The following NIBAN2 variants were observed in gnomAD, a reference collection of about 807,000 sequenced individuals.
NIBAN2 encodes the protein niban apoptosis regulator 2.
A neutral mutation model predicts 81.8 loss-of-function variants in NIBAN2; 36 were observed. The ratio of observed to expected loss-of-function variants is 0.44; its 90% CI spans 0.34 to 0.58. The LOEUF (loss-of-function observed/expected upper bound fraction) is 0.58, where lower values mean the gene tolerates loss of function less well. Among genes scored for constraint, NIBAN2 ranks in the 20% least tolerant of loss-of-function variants. The pLI is 0.02. For missense variants in NIBAN2, 897 were observed against 1,014.1 expected (o/e 0.88, Z 1.57); for synonymous variants, 445 against 441.6 (o/e 1.01, Z -0.10).
rs923767187 is a variant in NIBAN2, at chr9:127,563,237, A to G, written c.55+5583T>C. ...GGAACAGAGTCAGGGGGACTAGAGG[A>G]GGCTGGATGGAGGGGAAGGCAGGGT... On this transcript the variant is annotated intron_variant, in intron 1 of 13. Transcript: ENST00000373312. This position sits in a 1 kb window ranked among gnomAD's most constrained non-coding sequence, Gnocchi z 4.1. 4.6e-5 allele frequency among the ~76,000 whole-genome samples: 7 copies of G among 152,222 alleles called. No individual in the cohort carries two copies. Among genetic ancestry groups the G allele is most frequent in the African/African-American group, 1.7e-4 (7 of 41,470 alleles).
intron 1 of NIBAN2, among the ~76,000 whole-genome samples, chr9:127,546,891 G>T (rs1403307111): frequency 6.6e-6 from 1 of 151,810 alleles, no homozygotes; most frequent in Non-Finnish European, 1.5e-5. Context: ...GCCCAGGAAG[G>T]TGACTGACCA....
intron 1 of NIBAN2, among the ~76,000 whole-genome samples, chr9:127,552,690 T>TG (rs1554768661): frequency 8.1e-5 from 11 of 135,300 alleles, no homozygotes; most frequent in South Asian, 2.5e-4. Context: ...ATTCGTTTTT[T>TG]TTTTTTTTTT....
rs1836578704 is a variant in NIBAN2 at position 127,505,657 on chromosome 9, A to T, written c.*1188T>A. The T allele has an allele frequency of 6.6e-6, 1 of 152,136 alleles. No homozygotes were observed. Among genetic ancestry groups the T allele is most frequent in the South Asian group, 2.1e-4 (1 of 4,820 alleles). 9.4% of individuals were successfully genotyped at this position (152,136 alleles called of 1,614,324 possible). A position where few individuals can be genotyped will look rare whatever the true frequency, so the allele number is the denominator to read the frequency against. ...TCCATTTCTGCCCTGCCCCCCGCAA[A>T]GCAGCAGGGGAGGGGGCCTGGGGGT... On this transcript the variant is annotated 3_prime_UTR_variant, in exon 14 of 14. Coordinates refer to ENST00000373312, the MANE Select transcript of NIBAN2 (RefSeq NM_022833.4).
chr9:127,517,214 G>A lies in NIBAN2; in HGVS notation c.708C>T (p.Ile236=). ...WEMLCGNEVQ[I]LSNLVMEELG... Reference sequence around the variant, plus strand: ...GCTCCTCCATCACCAGGTTGCTCAGGATCTAGGTTGAGGAGGCACAAGCCA... The same window carrying A: ...GCTCCTCCATCACCAGGTTGCTCAGAATCTAGGTTGAGGAGGCACAAGCCA... The change falls in exon 7 of 14, where the codon ATC becomes ATT. Residue 236 remains isoleucine (I), a splice_region_variant and synonymous_variant. Coordinates refer to ENST00000373312, the MANE Select transcript of NIBAN2 (RefSeq NM_022833.4). The surrounding 1 kb of genome is among the most constrained non-coding windows in gnomAD (Gnocchi z 4.0). The A allele has an allele frequency of 6.2e-7, 1 of 1,613,530 alleles. No homozygotes were observed. Among genetic ancestry groups the A allele is most frequent in the Non-Finnish European group, 8.5e-7 (1 of 1,179,834 alleles).
upstream of NIBAN2, chr9:127,569,144 C>T: frequency 1.1e-6 from 1 of 881,348 alleles, no homozygotes; most frequent in Non-Finnish European, 1.3e-6. Context: ...CCCCCGCAGG[C>T]CAACCCCGCC....
chr9:127,543,889 G>C (rs927645506), intron 1 of NIBAN2, among the ~76,000 whole-genome samples: 1 of 152,204 alleles, frequency 6.6e-6, no homozygotes. Context: ...TCTGTGCCAG[G>C]CACAGAGGCA....
In NIBAN2 at chr9:127,515,837, A is replaced by AAAT. The variant is rs917692263; in HGVS notation, c.973+1017_973+1019dup. On this transcript the variant is annotated intron_variant, in intron 8 of 13. Coordinates refer to ENST00000373312, the MANE Select transcript of NIBAN2 (RefSeq NM_022833.4). ...GGCAACAGATCAAGACTCCATCTCAAAATAATAATAATAATAATGGCTGGG... is the reference window on the plus strand; with the variant it reads ...GGCAACAGATCAAGACTCCATCTCAAAATAATAATAATAATAATAATGGCTGGG... Among the ~76,000 whole-genome samples, 10 of 151,982 alleles carry AAAT rather than the reference A, an allele frequency of 6.6e-5. No individual in the cohort carries two copies. In the South Asian group the frequency reaches 1.3e-3, roughly 19 times the overall value.
At chr9:127,578,538 T>C (rs1236876654) in intron 1 of NIBAN2, among the ~76,000 whole-genome samples, 1 of 151,568 alleles carries the variant, frequency 6.6e-6, no homozygotes, top group Non-Finnish European at 1.5e-5. Context: ...GGTGGGGCCC[T>C]GTCATCCCAG....
intron 1 of NIBAN2, among the ~76,000 whole-genome samples, chr9:127,556,622 G>A (rs1458011150): frequency 6.6e-6 from 1 of 152,172 alleles, no homozygotes; most frequent in Non-Finnish European, 1.5e-5. Context: ...GCATCATCAT[G>A]CCCATTTTAC....
rs567441829 is a variant in NIBAN2, at chr9:127,559,924, T to C, written c.55+8896A>G. Among the ~76,000 whole-genome samples, 2 of 152,238 alleles carry C rather than the reference T, an allele frequency of 1.3e-5. No individual in the cohort carries two copies. Among genetic ancestry groups the C allele is most frequent in the East Asian group, 3.9e-4 (2 of 5,162 alleles). On this transcript the variant is annotated intron_variant, in intron 1 of 13. Transcript: ENST00000373312. This position sits in a 1 kb window ranked among gnomAD's most constrained non-coding sequence, Gnocchi z 4.0. ...AGCACAAAGAGCTAAGGCCACATCA[T>C]CTCACCGACCCTGCACAACAGCCTC...
Position 127,536,157 on chromosome 9 carries a change from C to T in NIBAN2, c.56-4379G>A, listed in dbSNP as rs1837274662. Among the ~76,000 whole-genome samples the T allele has an allele frequency of 1.3e-5, 2 of 152,190 alleles. No individual in the cohort carries two copies. Among genetic ancestry groups the T allele is most frequent in the African/African-American group, 4.8e-5 (2 of 41,448 alleles). On this transcript the variant is annotated intron_variant, in intron 1 of 13. Transcript: ENST00000373312. This position sits in a 1 kb window ranked among gnomAD's most constrained non-coding sequence, Gnocchi z 4.0. ...TCCTCAGCCAGCATGGAAGGAACCG[C>T]CACGTGCTTTGTACAGAGGAAGTAA...
At chr9:127,538,123 C>G (rs1224542963) in intron 1 of NIBAN2, among the ~76,000 whole-genome samples, 1 of 152,160 alleles carries the variant, frequency 6.6e-6, no homozygotes, top group Non-Finnish European at 1.5e-5. Flanking sequence ...GAGAGCCAAC[C>G]CTTTCAGCAA....
At chr9:127,568,438 C>T (rs1837896123) in intron 1 of NIBAN2, among the ~76,000 whole-genome samples, 1 of 151,902 alleles carries the variant, frequency 6.6e-6, no homozygotes, top group Admixed American at 6.5e-5. Flanking sequence ...CTGGGAGATC[C>T]CAAAGCTGGT....
intron 2 of NIBAN2, among the ~76,000 whole-genome samples, chr9:127,530,407 G>A (rs183052295): frequency 6.6e-6 from 1 of 152,336 alleles, no homozygotes; most frequent in East Asian, 1.9e-4. Flanking sequence ...GCCTTGGCCA[G>A]GTGCGGCAGC....
In NIBAN2 at chr9:127,517,757, C is replaced by A. The variant is rs1361542593; in HGVS notation, c.705+69G>T. ...CCCAGAGCCCCATCTCTGTACCCCACCCCCTGCCCTCCCCTGCTGGGTCCT... is the reference window on the plus strand; with the variant it reads ...CCCAGAGCCCCATCTCTGTACCCCAACCCCTGCCCTCCCCTGCTGGGTCCT... On this transcript the variant is annotated intron_variant, in intron 6 of 13. Coordinates refer to ENST00000373312, the MANE Select transcript of NIBAN2 (RefSeq NM_022833.4). This position sits in a 1 kb window ranked among gnomAD's most constrained non-coding sequence, Gnocchi z 4.0. The A allele has an allele frequency of 2.5e-5, 29 of 1,174,184 alleles. No homozygotes were observed. The highest frequency in any genetic ancestry group is 6.5e-5 in the South Asian group (5 of 77,242). The allele number at this position is 1,174,184 out of a possible 1,614,324, so 72.7% of individuals were successfully genotyped here.
At position 127,523,750 on chromosome 9, in the gene NIBAN2, C is replaced by T. The variant is rs767118080; in HGVS notation, c.518G>A (p.Cys173Tyr). The T allele has an allele frequency of 4.3e-6, 7 of 1,613,922 alleles. No homozygotes were observed. Reference sequence around the variant, plus strand: ...GTCCTGCTCGGCTTCTGTCATCATGCAGAAGTAGTAGTGACGCGCATAAGG... The same window carrying T: ...GTCCTGCTCGGCTTCTGTCATCATGTAGAAGTAGTAGTGACGCGCATAAGG... ...WHPYARHYYF[C>Y]MMTEAEQDKW... Residue 173 changes from cysteine (C) to tyrosine (Y), a missense_variant, in exon 5 of 14, where the codon TGC becomes TAC. Cys to Tyr is a radical substitution (Grantham distance 194, BLOSUM62 -2). Around this residue, in one of 3 missense-constraint regions of NIBAN2, gnomAD observed 69 missense variants for 114.7 expected, o/e 0.60. Coordinates refer to ENST00000373312, the MANE Select transcript of NIBAN2 (RefSeq NM_022833.4).
At chr9:127,549,525 T>G (rs552948748) in intron 1 of NIBAN2, among the ~76,000 whole-genome samples, 5 of 152,254 alleles carry the variant, frequency 3.3e-5, no homozygotes, top group Admixed American at 2.0e-4. Flanking sequence ...TACGCACACT[T>G]ACACATGTGC....
chr9:127,511,130 T>A (rs1365120369), intron 8 of NIBAN2, among the ~76,000 whole-genome samples: 1 of 152,030 alleles, frequency 6.6e-6, no homozygotes, highest in Non-Finnish European at 1.5e-5. Context: ...CTGCAACCAC[T>A]GCCTCCCAGG....
chr9:127,521,615 C>T (rs1462343183), intron 5 of NIBAN2, among the ~76,000 whole-genome samples: 1 of 151,896 alleles, frequency 6.6e-6, no homozygotes, highest in East Asian at 1.9e-4. Flanking sequence ...CAAGCCCAGC[C>T]TCCAAGACGG....
Sources: gnomAD v4.1 joint callset for allele counts (sites outside exome capture counted in the v4.1 genomes callset) on GRCh38, gnomAD v4.1.1 for gene constraint, gnomAD v4.1.1 regional missense constraint, Gnocchi (gnomAD v3.1) non-coding constraint, MANE v1.5 for transcripts, NCBI Gene and HGNC (gene_info 2026-07-23, HGNC 2026-07-21) for gene names.